Variants in ARHGAP39 observed in about 807,000 individuals in gnomAD.
ARHGAP39 encodes the protein Rho GTPase activating protein 39.
ARHGAP39 carries 44 observed loss-of-function variants against 106.9 expected under a neutral mutation model. The ratio of observed to expected loss-of-function variants is 0.41; its 90% CI spans 0.32 to 0.53. The LOEUF is 0.53. Ranked by LOEUF, ARHGAP39 falls within the 20% of genes least tolerant of loss-of-function variation. The pLI is 0.21. For synonymous variants in ARHGAP39, 768 were observed against 693.2 expected, an observed-to-expected ratio of 1.11 and a Z score of -1.69; for missense variants, 1,496 against 1,577.3, an observed-to-expected ratio of 0.95 and a Z score of 0.87.
Position 144,547,746 on chromosome 8 carries a change from T to A in ARHGAP39, c.1340A>T (p.Asp447Val), listed in dbSNP as rs766685248. ...CTCAGGTCCCTCCATGGTGCTGTAG[T>A]CTCCGGACTTGACGCCCAGGCGCTG... is the stretch of plus-strand genomic sequence containing the variant. ...RDQRLGVKSG[D>V]YSTMEGPELR... is the part of the protein sequence containing the mutation. Residue 447 changes from aspartate (D) to valine (V), a missense_variant, in exon 5 of 12, where the codon GAC (aspartate) becomes GTC (valine). By Grantham distance (152) the Asp-to-Val change is radical (BLOSUM62 -3). Around this residue, in one of 4 missense-constraint regions of ARHGAP39, gnomAD observed 905 missense variants for 816.4 expected, o/e 1.11. Transcript: ENST00000377307. This position sits in a 1 kb window ranked among gnomAD's most constrained non-coding sequence, Gnocchi z 5.2. 6.3e-7 allele frequency: 1 copy of A among 1,598,450 alleles called. No individual in the cohort carries two copies. Among genetic ancestry groups the A allele is most frequent in the Admixed American group, 1.7e-5 (1 of 59,410 alleles).
rs1816592519 is a variant in ARHGAP39, at chr8:144,529,846, C to CCCCCA, written c.*571_*575dup. The CCCCCA allele has an allele frequency of 6.6e-6, 1 of 152,064 alleles. No homozygotes were observed. Among genetic ancestry groups the CCCCCA allele is most frequent in the South Asian group, 2.1e-4 (1 of 4,834 alleles). The allele number at this position is 152,064 out of a possible 1,614,324, so 9.4% of individuals were successfully genotyped here. A position where few individuals can be genotyped will look rare whatever the true frequency, so the allele number is the denominator to read the frequency against. On this transcript the variant is annotated 3_prime_UTR_variant, in exon 12 of 12. Coordinates refer to ENST00000377307, the MANE Select transcript of ARHGAP39 (RefSeq NM_025251.3). ...ACCCCAGAGGACTTTGGTTTGGGGG[C>CCCCCA]CCCCACCCCACCCACCGAGAGCCTG...
At chr8:144,693,871 C>A in the ARHGAP39 span, among the ~76,000 whole-genome samples, 121 of 152,152 alleles carry the variant, frequency 8.0e-4, 1 homozygote, top group Non-Finnish European at 1.4e-3. Context: ...AAGCCTGTCA[C>A]ACAGTGCTGC....
intron 1 of ARHGAP39, among the ~76,000 whole-genome samples, chr8:144,685,485 G>A (rs1822563574): frequency 6.7e-6 from 1 of 148,372 alleles, no homozygotes; most frequent in African/African-American, 2.4e-5. Context: ...GCCCGGCCGG[G>A]CCCCGCACAC....
At chr8:144,667,888 G>T (rs1822003907) in intron 1 of ARHGAP39, among the ~76,000 whole-genome samples, 1 of 152,202 alleles carries the variant, frequency 6.6e-6, no homozygotes. Flanking sequence ...CAATGAAAAT[G>T]GGCAACATTT....
upstream of ARHGAP39, among the ~76,000 whole-genome samples, chr8:144,686,363 G>C (rs1822589929): frequency 1.3e-5 from 2 of 152,086 alleles, no homozygotes; most frequent in African/African-American, 4.8e-5. Flanking sequence ...AGCTCGACTA[G>C]TGCTCTATTC....
At chr8:144,665,122 T>C (rs563737806) in intron 1 of ARHGAP39, among the ~76,000 whole-genome samples, 1 of 152,244 alleles carries the variant, frequency 6.6e-6, no homozygotes, top group African/African-American at 2.4e-5. Context: ...CAAAGATGAC[T>C]CTCTTGTTAT....
intron 1 of ARHGAP39, among the ~76,000 whole-genome samples, chr8:144,628,905 T>C (rs1455013101): frequency 6.6e-6 from 1 of 152,148 alleles, no homozygotes; most frequent in African/African-American, 2.4e-5. Flanking sequence ...ACCACCGAAA[T>C]CCAGCTTCGC....
At position 144,645,917 on chromosome 8, in the gene ARHGAP39, T is replaced by C. The variant is rs1280527275; in HGVS notation, c.-82+39769A>G. On this transcript the variant is annotated intron_variant, in intron 1 of 11. Coordinates refer to ENST00000377307, the MANE Select transcript of ARHGAP39 (RefSeq NM_025251.3). The surrounding 1 kb of genome is among the most constrained non-coding windows in gnomAD (Gnocchi z 4.4). ...CTTGCCTGGGTGCTGGTGCAAGGTA[T>C]GCGGCAGCAACACCATCTTTAGGAT... Among the ~76,000 whole-genome samples the C allele has an allele frequency of 1.3e-5, 2 of 152,182 alleles. No homozygotes were observed. Among genetic ancestry groups the C allele is most frequent in the African/African-American group, 4.8e-5 (2 of 41,444 alleles).
upstream of ARHGAP39, among the ~76,000 whole-genome samples, chr8:144,688,951 G>C (rs1007073497): frequency 1.5e-4 from 23 of 152,054 alleles, no homozygotes; most frequent in Non-Finnish European, 1.5e-4. Context: ...GGACATGAAG[G>C]GGGACGGACC....
intron 1 of ARHGAP39, among the ~76,000 whole-genome samples, chr8:144,622,914 C>T (rs939649001): frequency 2.3e-4 from 35 of 152,172 alleles, no homozygotes; most frequent in Admixed American, 2.6e-4. Flanking sequence ...TGCCGGGGGA[C>T]GCCCCAAGGC....
At chr8:144,610,932 T>C (rs1411799548) in intron 1 of ARHGAP39, among the ~76,000 whole-genome samples, 1 of 152,046 alleles carries the variant, frequency 6.6e-6, no homozygotes, top group African/African-American at 2.4e-5. Context: ...TTCTCCTGCC[T>C]CAACCTCCCC....
intron 2 of ARHGAP39, among the ~76,000 whole-genome samples, chr8:144,600,648 A>T (rs1204451309): frequency 8.8e-6 from 1 of 113,116 alleles, no homozygotes; most frequent in Admixed American, 9.1e-5. Context: ...CTGCGTGTGC[A>T]TGGAGGTGTG....
intron 3 of ARHGAP39, among the ~76,000 whole-genome samples, chr8:144,576,055 G>A (rs557659524): frequency 2.6e-5 from 4 of 152,192 alleles, no homozygotes; most frequent in South Asian, 2.1e-4. Flanking sequence ...CAGAGTGGCC[G>A]GGCATGGTGG....
rs1411897483 is a variant in ARHGAP39 at position 144,647,106 on chromosome 8, C to T, written c.-82+38580G>A. Among the ~76,000 whole-genome samples the T allele has an allele frequency of 6.6e-6, 1 of 151,760 alleles. No individual in the cohort carries two copies. The highest frequency in any genetic ancestry group is 6.6e-5 in the Admixed American group (1 of 15,240). ...GCCTCAGCCTCCCGAGTAGCTGGGA[C>T]TACAGCCACCCGCCACCATGCCCGG... On this transcript the variant is annotated intron_variant, in intron 1 of 11. Transcript: ENST00000377307. This position sits in a 1 kb window ranked among gnomAD's most constrained non-coding sequence, Gnocchi z 4.8.
At position 144,547,082 on chromosome 8, in the gene ARHGAP39, C is replaced by G. The variant is rs1255923119; in HGVS notation, c.1959+45G>C. The G allele has an allele frequency of 1.3e-6, 2 of 1,510,054 alleles. No individual in the cohort carries two copies. The highest frequency in any genetic ancestry group is 1.8e-6 in the Non-Finnish European group (2 of 1,129,448). The allele number at this position is 1,510,054 out of a possible 1,614,324, so 93.5% of individuals were successfully genotyped here. On this transcript the variant is annotated intron_variant, in intron 5 of 11. Coordinates refer to ENST00000377307, the MANE Select transcript of ARHGAP39 (RefSeq NM_025251.3). The surrounding 1 kb of genome is among the most constrained non-coding windows in gnomAD (Gnocchi z 5.2). ...GCCCACGGGGTCCACTCTGACTGGG[C>G]TGGCCCCAGGCTCTCAAGCTCAGCC...
chr8:144,569,939 G>A (rs368166159), intron 3 of ARHGAP39, among the ~76,000 whole-genome samples: 16 of 152,202 alleles, frequency 1.1e-4, no homozygotes, highest in African/African-American at 3.6e-4. Context: ...TATATGCTGA[G>A]GCTGGGCGCG....
chr8:144,631,326 T>A (rs1821057642), intron 1 of ARHGAP39, among the ~76,000 whole-genome samples: 1 of 152,228 alleles, frequency 6.6e-6, no homozygotes, highest in Non-Finnish European at 1.5e-5. Context: ...GAGGCCCCAT[T>A]TCTTGCCTGT....
chr8:144,680,654 A>G (rs1221545633), intron 1 of ARHGAP39, among the ~76,000 whole-genome samples: 1 of 152,240 alleles, frequency 6.6e-6, no homozygotes, highest in Non-Finnish European at 1.5e-5. Context: ...ACTTGCATAC[A>G]AAATTGAAAA....
Position 144,545,706 on chromosome 8 carries a change from G to A in ARHGAP39, c.2064C>T (p.Pro688=). 1 of 1,613,094 alleles carries A rather than the reference G, an allele frequency of 6.2e-7. No individual in the cohort carries two copies. ...CVFPTFTLRK[P]SSETDIENWA... is the part of the protein sequence containing the mutation. ...AGTTCTCGATGTCCGTCTCCGAGGA[G>A]GGCTTGCGCAGCGTGAAAGTGGGGA... The change falls in exon 6 of 12, where the codon CCC becomes CCT. Residue 688 remains proline (P), a synonymous_variant. Transcript: ENST00000377307.
Sources: gnomAD v4.1 joint callset for allele counts (sites outside exome capture counted in the v4.1 genomes callset) on GRCh38, gnomAD v4.1.1 for gene constraint, gnomAD v4.1.1 regional missense constraint, Gnocchi (gnomAD v3.1) non-coding constraint, MANE v1.5 for transcripts, NCBI Gene and HGNC (gene_info 2026-07-23, HGNC 2026-07-21) for gene names.